Variants in PLPPR1 observed in about 807,000 individuals in gnomAD.
The protein encoded by PLPPR1 is phospholipid phosphatase related 1.
Under a neutral mutation model 33.1 loss-of-function variants are expected in PLPPR1, and 10 were observed. That is an observed-to-expected ratio of 0.30 (90% CI 0.19 to 0.51). The LOEUF (loss-of-function observed/expected upper bound fraction) is 0.51. Ranked by LOEUF, PLPPR1 falls within the 20% of genes least tolerant of loss-of-function variation. The pLI is 0.97. For missense variants in PLPPR1, 304 were observed against 408.1 expected, an observed-to-expected ratio of 0.74 and a Z score of 2.20; for synonymous variants, 151 against 151.0, an observed-to-expected ratio of 1.00 and a Z score of 0.00.
At chr9:101,075,677 T>C (rs552581778) in intron 1 of PLPPR1, among the ~76,000 whole-genome samples, 1 of 152,324 alleles carries the variant, frequency 6.6e-6, no homozygotes, top group East Asian at 1.9e-4. Context: ...GTGCTACAGA[T>C]AAACAGCCAG....
intron 2 of PLPPR1, among the ~76,000 whole-genome samples, chr9:101,219,144 C>T (rs1826869345): frequency 6.6e-6 from 1 of 152,206 alleles, no homozygotes; most frequent in Non-Finnish European, 1.5e-5. Context: ...ATTAATGCTA[C>T]GGAAGCTTTC....
At chr9:101,246,075 T>TAGATAG (rs1554683615) in intron 2 of PLPPR1, among the ~76,000 whole-genome samples, 33 of 90,322 alleles carry the variant, frequency 3.7e-4, no homozygotes, top group African/African-American at 1.1e-3. Flanking sequence ...TATATATATA[T>TAGATAG]ATATATATAT....
chr9:101,132,012 T>C (rs1191486863), intron 1 of PLPPR1, among the ~76,000 whole-genome samples: 2 of 152,240 alleles, frequency 1.3e-5, no homozygotes, highest in South Asian at 4.1e-4. Flanking sequence ...AGTGCTGTAT[T>C]TGTGTTGGTA....
chr9:101,095,625 C>T (rs181398375), intron 1 of PLPPR1, among the ~76,000 whole-genome samples: 1 of 152,264 alleles, frequency 6.6e-6, no homozygotes, highest in East Asian at 1.9e-4. Context: ...GTAGGCATTA[C>T]TATCCCCTTT....
At chr9:101,125,650 C>T in intron 1 of PLPPR1, 1 of 586,574 alleles carries the variant, frequency 1.7e-6, no homozygotes, top group Admixed American at 2.1e-5. Flanking sequence ...AGTTGTTGAT[C>T]ATGGCAATTC....
chr9:101,162,799 T>C (rs940776715), intron 1 of PLPPR1, among the ~76,000 whole-genome samples: 1 of 152,160 alleles, frequency 6.6e-6, no homozygotes, highest in Non-Finnish European at 1.5e-5. Flanking sequence ...ATGGGTTTGT[T>C]CTGTGCTGTG....
intron 1 of PLPPR1, among the ~76,000 whole-genome samples, chr9:101,099,831 A>T (rs1267485036): frequency 6.6e-6 from 1 of 152,110 alleles, no homozygotes; most frequent in African/African-American, 2.4e-5. Flanking sequence ...AATATGGCTC[A>T]CCAGAAAGTG....
chr9:101,031,539 A>G (rs1360015190), intron 1 of PLPPR1, among the ~76,000 whole-genome samples: 3 of 152,202 alleles, frequency 2.0e-5, no homozygotes, highest in African/African-American at 7.2e-5. Context: ...TTCAGAAAAC[A>G]TGTATAAGTA....
At chr9:101,300,064 A>T (rs2118939634) in intron 4 of PLPPR1, among the ~76,000 whole-genome samples, 1 of 149,910 alleles carries the variant, frequency 6.7e-6, no homozygotes, top group Middle Eastern at 3.4e-3. Flanking sequence ...TAACAAAAAT[A>T]TTCATATAAC....
intron 1 of PLPPR1, among the ~76,000 whole-genome samples, chr9:101,029,902 C>T (rs1279378273): frequency 6.6e-6 from 1 of 152,196 alleles, no homozygotes; most frequent in Non-Finnish European, 1.5e-5. Context: ...GGGCTTTATC[C>T]TCTCCCAACC....
chr9:101,310,847 A>G (rs1232594428), intron 5 of PLPPR1, among the ~76,000 whole-genome samples: 1 of 152,208 alleles, frequency 6.6e-6, no homozygotes, highest in Non-Finnish European at 1.5e-5. Context: ...AAAGGACTTC[A>G]GCTGTCCCCA....
At chr9:101,206,865 A>T (rs1826597634) in intron 2 of PLPPR1, among the ~76,000 whole-genome samples, 1 of 152,146 alleles carries the variant, frequency 6.6e-6, no homozygotes, top group African/African-American at 2.4e-5. Context: ...GGACCTTGAC[A>T]TCCTTTCTAA....
At chr9:101,314,320 T>G (rs560777105) in intron 6 of PLPPR1, among the ~76,000 whole-genome samples, 1 of 152,168 alleles carries the variant, frequency 6.6e-6, no homozygotes, top group Non-Finnish European at 1.5e-5. Flanking sequence ...CTCCCCAATA[T>G]GCAAAATACA....
At chr9:101,189,986 C>A (rs1418139429) in intron 2 of PLPPR1, among the ~76,000 whole-genome samples, 2 of 152,052 alleles carry the variant, frequency 1.3e-5, no homozygotes, top group African/African-American at 4.8e-5. Context: ...TCCAGTTTAG[C>A]CGAGCTTACT....
At chr9:101,308,549 T>C (rs1363731669) in intron 4 of PLPPR1, among the ~76,000 whole-genome samples, 1 of 152,236 alleles carries the variant, frequency 6.6e-6, no homozygotes, top group Non-Finnish European at 1.5e-5. Context: ...AATAGGAGGC[T>C]ATTGGTCAAC....
At chr9:101,042,419 C>T (rs907303998) in intron 1 of PLPPR1, among the ~76,000 whole-genome samples, 1 of 152,048 alleles carries the variant, frequency 6.6e-6, no homozygotes, top group Admixed American at 6.6e-5. Context: ...ACTGATCACC[C>T]TAGGGACACT....
chr9:101,238,188 T>G (rs189967082), intron 2 of PLPPR1, among the ~76,000 whole-genome samples: 1 of 136,802 alleles, frequency 7.3e-6, no homozygotes, highest in Non-Finnish European at 1.6e-5. Flanking sequence ...ATATATGCCC[T>G]ATATATATAC....
intron 1 of PLPPR1, among the ~76,000 whole-genome samples, chr9:101,174,489 G>A (rs1031966621): frequency 6.6e-6 from 1 of 152,124 alleles, no homozygotes; most frequent in Non-Finnish European, 1.5e-5. Context: ...AGGCCCAGTA[G>A]GTCATGGAGA....
At position 101,044,989 on chromosome 9, in the gene PLPPR1, TGTA is replaced by T. The variant is rs1372927697; in HGVS notation, c.-46+15889_-46+15891del. 2.6e-5 allele frequency among the ~76,000 whole-genome samples: 4 copies of T among 152,278 alleles called. No individual in the cohort carries two copies. The East Asian group carries it at 7.7e-4, about 29-fold the overall frequency. On this transcript the variant is annotated intron_variant, in intron 1 of 7. Transcript: ENST00000374874. Reference sequence around the variant, plus strand: ...AGATTCTCAGCCTTGATTTTAAAACTGTAGATGGGTGTAGAAGGGGGCTGCTTA... The same window carrying T: ...AGATTCTCAGCCTTGATTTTAAAACTGATGGGTGTAGAAGGGGGCTGCTTA...
Sources: allele counts gnomAD v4.1 joint callset (sites outside exome capture counted in the v4.1 genomes callset), GRCh38; gene constraint gnomAD v4.1.1; transcripts MANE v1.5; gene names NCBI Gene and HGNC (gene_info 2026-07-23, HGNC 2026-07-21).